TRIM33: variants seen among roughly 807,000 people sequenced by gnomAD.
TRIM33 encodes tripartite motif containing 33.
Under a neutral mutation model 125.4 loss-of-function variants are expected in TRIM33, and 20 were observed. The observed-to-expected ratio is 0.16, with a 90% CI of 0.11 to 0.23. The LOEUF (loss-of-function observed/expected upper bound fraction) is 0.23, where lower values mean the gene tolerates loss of function less well. TRIM33 is among the 10% of genes least tolerant of loss of function. The pLI, the probability that TRIM33 is intolerant of heterozygous loss-of-function variation, is 1.00. For synonymous variants in TRIM33, 564 were observed against 513.9 expected (o/e 1.10, Z -1.32); for missense variants, 920 against 1,411.4 (o/e 0.65, Z 5.58).
Position 114,421,617 on chromosome 1 carries a change from G to A in TRIM33, c.1880C>T (p.Ala627Val). 1 of 1,614,134 alleles carries A rather than the reference G, an allele frequency of 6.2e-7. No individual in the cohort carries two copies. The highest frequency in any genetic ancestry group is 8.5e-7 in the Non-Finnish European group (1 of 1,179,988). The change falls in exon 11 of 20, where the codon GCT becomes GTT. Residue 627 changes from alanine (A) to valine (V), a missense_variant. This residue lies in a region of TRIM33 where 407 missense variants were observed against 589.7 expected (regional missense o/e 0.69). Coordinates refer to ENST00000358465, the MANE Select transcript of TRIM33 (RefSeq NM_015906.4). ...TACCGATACTACGGGAAAGGGTCCAGCATGCCCTGGGTTTGAGTGCTAATA... is the reference window on the plus strand; with the variant it reads ...TACCGATACTACGGGAAAGGGTCCAACATGCCCTGGGTTTGAGTGCTAATA... ...LQRQHSNPGH[A>V]GPFPVVSVHN...
At chr1:114,473,488 G>A (rs1227668427) in intron 1 of TRIM33, among the ~76,000 whole-genome samples, 5 of 152,082 alleles carry the variant, frequency 3.3e-5, no homozygotes, top group Admixed American at 2.0e-4. Context: ...GAGTGACGGG[G>A]TGAGTGGTTT....
chr1:114,449,423 TG>T (rs1649183908), intron 4 of TRIM33, among the ~76,000 whole-genome samples: 2 of 152,190 alleles, frequency 1.3e-5, no homozygotes, highest in Admixed American at 1.3e-4. Flanking sequence ...AGGGGACGTC[TG>T]GGAGTGTGGC....
Position 114,395,091 on chromosome 1 carries a change from T to C in TRIM33, c.*2557A>G, listed in dbSNP as rs889642215. 2 of 193,026 alleles carry C rather than the reference T, an allele frequency of 1.0e-5. No individual in the cohort carries two copies. The highest frequency in any genetic ancestry group is 2.2e-5 in the Non-Finnish European group (2 of 92,552). The allele number at this position is 193,026 out of a possible 1,614,324, so 12.0% of individuals were successfully genotyped here. On this transcript the variant is annotated 3_prime_UTR_variant, in exon 20 of 20. Coordinates refer to ENST00000358465, the MANE Select transcript of TRIM33 (RefSeq NM_015906.4). The stretch of plus-strand genomic sequence containing the variant: ...ATATCTAAATATCAATTTAAGTTTT[T>C]ATACTTTTTAACCATAGGTATATTA...
At chr1:114,497,013 T>C (rs1189818429) in intron 1 of TRIM33, among the ~76,000 whole-genome samples, 1 of 152,240 alleles carries the variant, frequency 6.6e-6, no homozygotes, top group Non-Finnish European at 1.5e-5. Context: ...TGTACTCTGC[T>C]GTAAAAGCAT....
chr1:114,482,546 C>A (rs1347885219), intron 1 of TRIM33, among the ~76,000 whole-genome samples: 1 of 152,054 alleles, frequency 6.6e-6, no homozygotes. Flanking sequence ...GTGCCAAAAC[C>A]AAAAATGAAA....
At position 114,397,589 on chromosome 1, in the gene TRIM33, G is replaced by GTTTTTTTTTTT. The variant is rs66490349; in HGVS notation, c.*48_*58dup. On this transcript the variant is annotated 3_prime_UTR_variant, in exon 20 of 20. Transcript: ENST00000358465. ...CTTAAAAGTTTTCTGGGTTTTTTGT[G>GTTTTTTTTTTT]TTTTTTTTTTTTTTTTCGTTTTTTT... The GTTTTTTTTTTT allele has an allele frequency of 4.3e-4, 278 of 640,170 alleles. No homozygotes were observed. The highest frequency in any genetic ancestry group is 3.4e-3 in the African/African-American group (122 of 36,356). 39.7% of individuals were successfully genotyped at this position (640,170 alleles called of 1,614,324 possible).
intron 1 of TRIM33, among the ~76,000 whole-genome samples, chr1:114,465,548 C>T (rs1346249122): frequency 6.6e-6 from 1 of 152,118 alleles, no homozygotes; most frequent in Non-Finnish European, 1.5e-5. Context: ...TGGCTCATGC[C>T]TGTAATCCCA....
At chr1:114,426,931 G>C (rs963299701) in intron 8 of TRIM33, among the ~76,000 whole-genome samples, 1 of 152,044 alleles carries the variant, frequency 6.6e-6, no homozygotes, top group African/African-American at 2.4e-5. Context: ...ATGGAGGGTC[G>C]GGGGACTAGA....
rs1195931433 is a variant in TRIM33 at position 114,431,434 on chromosome 1, C to A, written c.1041-522G>T. Among the ~76,000 whole-genome samples the A allele has an allele frequency of 2.0e-5, 3 of 152,280 alleles. 1 individual carries two copies. The South Asian group carries it at 6.2e-4, about 32-fold the overall frequency. ...TCTTAATATGGTTTCCCTTTGTATA[C>A]AGTAAAGGGCATAAAACATTTTCAA... On this transcript the variant is annotated intron_variant, in intron 5 of 19. Transcript: ENST00000358465.
chr1:114,472,006 C>T (rs1426727885), intron 1 of TRIM33, among the ~76,000 whole-genome samples: 1 of 152,126 alleles, frequency 6.6e-6, no homozygotes, highest in Non-Finnish European at 1.5e-5. Flanking sequence ...AGTGTAAATA[C>T]TGCTGCAGAA....
At position 114,510,566 on chromosome 1, in the gene TRIM33, C is replaced by A. The variant is rs781317984; in HGVS notation, c.511G>T (p.Gly171Cys). Residue 171 changes from glycine (G) to cysteine (C), a missense_variant, in exon 1 of 20, where the codon GGC becomes TGC. Gly to Cys is a radical substitution (Grantham distance 159). Coordinates refer to ENST00000358465, the MANE Select transcript of TRIM33 (RefSeq NM_015906.4). ...TCCGGCTCACCTTGCTGGATGTCGC[C>A]GTTGCTGCCCCCCGGGATGGGCACG... ...LSVPIPGGSN[G>C]DIQQVGVIRC... 2 of 1,506,826 alleles carry A rather than the reference C, an allele frequency of 1.3e-6. No homozygotes were observed. The highest frequency in any genetic ancestry group is 2.5e-5 in the East Asian group (1 of 40,084). 93.3% of individuals were successfully genotyped at this position (1,506,826 alleles called of 1,614,324 possible). A position where few individuals can be genotyped will look rare whatever the true frequency, so the allele number is the denominator to read the frequency against.
At chr1:114,468,569 CA>C in intron 1 of TRIM33, 1 of 387,442 alleles carries the variant, frequency 2.6e-6, no homozygotes, top group Non-Finnish European at 5.0e-6. Context: ...AAGAAAAAAA[CA>C]AAAAAGATGT....
chr1:114,426,018 C>T (rs181183423), intron 8 of TRIM33, among the ~76,000 whole-genome samples: 1 of 152,126 alleles, frequency 6.6e-6, no homozygotes, highest in African/African-American at 2.4e-5. Flanking sequence ...TTAGAAGAGG[C>T]CTATCTAATC....
Position 114,397,627 on chromosome 1 carries a change from TTGA to T in TRIM33, c.*18_*20del, listed in dbSNP as rs1557838385. The T allele has an allele frequency of 1.6e-6, 1 of 636,584 alleles. No homozygotes were observed. Among genetic ancestry groups the T allele is most frequent in the East Asian group, 3.9e-5 (1 of 25,600 alleles). 39.4% of individuals were successfully genotyped at this position (636,584 alleles called of 1,614,324 possible). On this transcript the variant is annotated 3_prime_UTR_variant, in exon 20 of 20. Coordinates refer to ENST00000358465, the MANE Select transcript of TRIM33 (RefSeq NM_015906.4). ...TTTTCGTTTTTTTTTTTTTAAACAA[TTGA>T]TTTAAATCCATGTCATTTTACTTTA...
intron 1 of TRIM33, among the ~76,000 whole-genome samples, chr1:114,477,567 A>T (rs1422234380): frequency 6.6e-6 from 1 of 152,188 alleles, no homozygotes; most frequent in Non-Finnish European, 1.5e-5. Context: ...GGTTGTTGGG[A>T]AGACTACATG....
intron 4 of TRIM33, among the ~76,000 whole-genome samples, chr1:114,447,807 C>T (rs1235429671): frequency 6.6e-6 from 1 of 152,170 alleles, no homozygotes; most frequent in Non-Finnish European, 1.5e-5. Flanking sequence ...ATGTGAAATA[C>T]TGCTGATACA....
At chr1:114,426,430 A>G (rs1647584728) in intron 8 of TRIM33, among the ~76,000 whole-genome samples, 1 of 152,156 alleles carries the variant, frequency 6.6e-6, no homozygotes, top group South Asian at 2.1e-4. Flanking sequence ...ACGTCACACA[A>G]AAACAGCTGG....
At chr1:114,488,309 AAC>A (rs1341200133) in intron 1 of TRIM33, among the ~76,000 whole-genome samples, 1 of 152,216 alleles carries the variant, frequency 6.6e-6, no homozygotes, top group African/African-American at 2.4e-5. Flanking sequence ...TTTAAGCCAT[AAC>A]ACATCAATAA....
rs1650090755 is a variant in TRIM33, at chr1:114,463,123, A to G, written c.904T>C (p.Leu302=). The G allele has an allele frequency of 6.2e-7, 1 of 1,604,430 alleles. No homozygotes were observed. The highest frequency in any genetic ancestry group is 1.7e-5 in the Admixed American group (1 of 57,392). The change falls in exon 4 of 20, where the codon TTG becomes CTG. Residue 302 remains leucine (L), a synonymous_variant. Transcript: ENST00000358465. ...DRLTCRDCQL[L]EHKEHRYQFL... is the part of the protein sequence containing the mutation. ...CTGTACCTATGTTCTTTGTGTTCCA[A>G]TAGCTGACAGTCTCTACATGTCAAT...
Sources: gnomAD v4.1 joint callset for allele counts (sites outside exome capture counted in the v4.1 genomes callset) on GRCh38, gnomAD v4.1.1 for gene constraint, gnomAD v4.1.1 regional missense constraint, MANE v1.5 for transcripts, NCBI Gene and HGNC (gene_info 2026-07-23, HGNC 2026-07-21) for gene names.